KIAA0232: variants seen among roughly 807,000 people sequenced by gnomAD.
KIAA0232 encodes the protein KIAA0232, also known as uncharacterized protein KIAA0232.
In KIAA0232, 27 loss-of-function variants were observed where a neutral mutation model predicts 122.0. The ratio of observed to expected loss-of-function variants is 0.22; its 90% confidence interval spans 0.16 to 0.31. The LOEUF (loss-of-function observed/expected upper bound fraction) is 0.31, where lower values mean the gene tolerates loss of function less well. KIAA0232 is among the 10% of genes least tolerant of loss of function. The pLI, the probability that KIAA0232 is intolerant of heterozygous loss-of-function variation, is 1.00. For missense variants in KIAA0232, 1,551 were observed against 1,634.2 expected (o/e 0.95, Z 0.88); for synonymous variants, 613 against 587.6 (o/e 1.04, Z -0.63).
intron 1 of KIAA0232, among the ~76,000 whole-genome samples, chr4:6,801,677 GAAA>G (rs367774914): frequency 7.2e-6 from 1 of 139,696 alleles, no homozygotes; most frequent in African/African-American, 2.6e-5. Flanking sequence ...GGACGAAAAG[GAAA>G]AAAAAAAAAG....
intron 3 of KIAA0232, among the ~76,000 whole-genome samples, chr4:6,831,524 C>G (rs1363642058): frequency 6.6e-6 from 1 of 152,158 alleles, no homozygotes; most frequent in East Asian, 1.9e-4. Flanking sequence ...ATATAGAGAA[C>G]AACCATGGAT....
intron 2 of KIAA0232, among the ~76,000 whole-genome samples, chr4:6,811,772 T>TA (rs1553831041): frequency 5.1e-5 from 6 of 118,628 alleles, no homozygotes; most frequent in African/African-American, 1.4e-4. Context: ...TTTTTTTTTT[T>TA]AAGATATAAA....
intron 1 of KIAA0232, among the ~76,000 whole-genome samples, chr4:6,788,364 A>C (rs573838885): frequency 1.3e-5 from 2 of 152,240 alleles, no homozygotes; most frequent in East Asian, 3.9e-4. Flanking sequence ...ACCTCTGGCC[A>C]CTTCCGTTAT....
chr4:6,801,670 C>T lies in KIAA0232; in HGVS notation c.-353-2853C>T, dbSNP rs116856199. Among the ~76,000 whole-genome samples, 563 of 144,468 alleles carry T rather than the reference C, an allele frequency of 3.9e-3. 5 individuals are homozygous for T. Among genetic ancestry groups the T allele is most frequent in the African/African-American group, 0.014 (542 of 38,896 alleles). The allele number at this position is 144,468 out of a possible 152,430, so 94.8% of individuals were successfully genotyped here. ...CTGCACTCCAGACTGGGTGACAGGA[C>T]GAAAAGGAAAAAAAAAAAAGAGAAA... On this transcript the variant is annotated intron_variant, in intron 1 of 9. Transcript: ENST00000307659.
In KIAA0232 at chr4:6,796,193, C is replaced by A. The variant is rs544246368; in HGVS notation, c.-353-8330C>A. Among the ~76,000 whole-genome samples the A allele has an allele frequency of 7.2e-5, 11 of 151,824 alleles. No individual in the cohort carries two copies. The East Asian group carries it at 1.2e-3, about 16-fold the overall frequency. On this transcript the variant is annotated intron_variant, in intron 1 of 9. Transcript: ENST00000307659. ...TGGTTATTCGTAGAAGTGAACGAGTCCTGGAGATGGTCTGTAGGATCAGGA... is the reference window on the plus strand; with the variant it reads ...TGGTTATTCGTAGAAGTGAACGAGTACTGGAGATGGTCTGTAGGATCAGGA...
At chr4:6,790,943 C>G (rs1258612007) in intron 1 of KIAA0232, among the ~76,000 whole-genome samples, 19 of 101,718 alleles carry the variant, frequency 1.9e-4, no homozygotes, top group African/African-American at 6.3e-4. Context: ...TTTTTTGAGG[C>G]AGTCTTGCTC....
At chr4:6,846,716 T>C (rs186674207) in intron 4 of KIAA0232, among the ~76,000 whole-genome samples, 2 of 152,194 alleles carry the variant, frequency 1.3e-5, no homozygotes, top group Non-Finnish European at 2.9e-5. Flanking sequence ...TGTGTGGTAG[T>C]TTATGAATGG....
Position 6,882,735 on chromosome 4 carries a change from T to C in KIAA0232, c.*1769T>C, listed in dbSNP as rs1195720186. ...ATACGTTTTTATGTATTTTTCATTC[T>C]TCTGGAGCTTCCTAAAAATTGATAA... On this transcript the variant is annotated 3_prime_UTR_variant, in exon 10 of 10. Transcript: ENST00000307659. 1 of 152,700 alleles carries C rather than the reference T, an allele frequency of 6.5e-6. No homozygotes were observed. Among genetic ancestry groups the C allele is most frequent in the Non-Finnish European group, 1.5e-5 (1 of 68,040 alleles). The allele number at this position is 152,700 out of a possible 1,614,324, so 9.5% of individuals were successfully genotyped here.
chr4:6,815,157 A>G (rs1718060142), intron 2 of KIAA0232, among the ~76,000 whole-genome samples: 2 of 152,178 alleles, frequency 1.3e-5, no homozygotes, highest in Non-Finnish European at 2.9e-5. Context: ...GAATGAGTGT[A>G]AAGGCAGATA....
chr4:6,814,543 T>A (rs991574429), intron 2 of KIAA0232, among the ~76,000 whole-genome samples: 2 of 152,164 alleles, frequency 1.3e-5, no homozygotes, highest in African/African-American at 4.8e-5. Flanking sequence ...ATACCTTCAA[T>A]TTGTATGCTA....
intron 2 of KIAA0232, among the ~76,000 whole-genome samples, chr4:6,819,918 T>TA (rs894964565): frequency 3.3e-5 from 5 of 152,090 alleles, no homozygotes; most frequent in African/African-American, 7.2e-5. Context: ...ATGCAGCCAT[T>TA]AAAAAAAGAA....
At chr4:6,788,097 G>A (rs532560986) in intron 1 of KIAA0232, among the ~76,000 whole-genome samples, 11 of 152,184 alleles carry the variant, frequency 7.2e-5, no homozygotes, top group African/African-American at 1.7e-4. Context: ...GGAGTGCAGC[G>A]GTGCCATCTT....
intron 1 of KIAA0232, among the ~76,000 whole-genome samples, chr4:6,797,771 CA>C (rs963052887): frequency 0.021 from 993 of 47,344 alleles, 7 homozygotes; most frequent in African/African-American, 0.054. Flanking sequence ...CCCTGCCTCT[CA>C]AAAAAAAAAA....
intron 1 of KIAA0232, among the ~76,000 whole-genome samples, chr4:6,791,356 C>T (rs1289008464): frequency 2.1e-5 from 2 of 96,298 alleles, no homozygotes; most frequent in Non-Finnish European, 3.7e-5. Flanking sequence ...GACAGGGTCT[C>T]ATTCTGTCAC....
intron 1 of KIAA0232, among the ~76,000 whole-genome samples, chr4:6,791,308 A>C (rs542559089): frequency 1.4e-5 from 2 of 143,888 alleles, no homozygotes; most frequent in East Asian, 4.1e-4. Flanking sequence ...AGTAGCTGTC[A>C]TAAAGCCTTT....
Position 6,861,650 on chromosome 4 carries a change from C to G in KIAA0232, c.1268C>G (p.Thr423Arg). Reference protein sequence around the residue: ...PLSRKSKLETTYRNRQDTSDL... With the variant: ...PLSRKSKLETRYRNRQDTSDL... The stretch of plus-strand genomic sequence containing the variant: ...AGCAGAAAAAGTAAACTAGAGACCA[C>G]ATACCGAAACAGACAGGATACAAGT... The change falls in exon 7 of 10, where the codon ACA becomes AGA. Residue 423 changes from threonine (T) to arginine (R), a missense_variant. Physicochemically the swap from Thr to Arg is moderately conservative, Grantham distance 71. Around this residue, in one of 5 missense-constraint regions of KIAA0232, gnomAD observed 1,108 missense variants for 1,154.8 expected, o/e 0.96. Transcript: ENST00000307659. 6.2e-7 allele frequency: 1 copy of G among 1,614,048 alleles called. No homozygotes were observed. The highest frequency in any genetic ancestry group is 2.2e-5 in the East Asian group (1 of 44,878).
Position 6,861,615 on chromosome 4 carries a change from T to C in KIAA0232, c.1233T>C (p.Phe411=), listed in dbSNP as rs914759530. 1.1e-5 allele frequency: 18 copies of C among 1,613,982 alleles called. No individual in the cohort carries two copies. Among genetic ancestry groups the C allele is most frequent in the African/African-American group, 5.3e-5 (4 of 74,934 alleles). The change falls in exon 7 of 10, where the codon TTT becomes TTC. Residue 411 remains phenylalanine, a synonymous_variant. Coordinates refer to ENST00000307659, the MANE Select transcript of KIAA0232 (RefSeq NM_014743.3). ...LWYTEPIAEY[F]VPLSRKSKLE... ...ACACCGAGCCAATTGCTGAATATTT[T>C]GTTCCTCTGAGCAGAAAAAGTAAAC...
At chr4:6,851,036 G>A (rs1360187836) in intron 4 of KIAA0232, among the ~76,000 whole-genome samples, 2 of 152,166 alleles carry the variant, frequency 1.3e-5, no homozygotes, top group Non-Finnish European at 1.5e-5. Context: ...GTATACTTAG[G>A]CATCAGATTC....
At chr4:6,801,807 A>G (rs1227080728) in intron 1 of KIAA0232, among the ~76,000 whole-genome samples, 1 of 152,218 alleles carries the variant, frequency 6.6e-6, no homozygotes, top group African/African-American at 2.4e-5. Flanking sequence ...GTTTATTTGC[A>G]GTACAAAGAA....
Sources: allele counts gnomAD v4.1 joint callset (sites outside exome capture counted in the v4.1 genomes callset), GRCh38; gene constraint gnomAD v4.1.1; regional missense constraint gnomAD v4.1.1; transcripts MANE v1.5; gene names NCBI Gene and HGNC (gene_info 2026-07-23, HGNC 2026-07-21).